The following ADGRL3 variants were observed in gnomAD, a reference collection of about 807,000 sequenced individuals.
ADGRL3 encodes calcium-independent alpha-latrotoxin receptor 3.
A neutral mutation model predicts 153.5 loss-of-function variants in ADGRL3; 62 were observed. The observed-to-expected ratio is 0.40, with a 90% CI of 0.33 to 0.50. The LOEUF (loss-of-function observed/expected upper bound fraction) is 0.50. Ranked by LOEUF, ADGRL3 falls within the 20% of genes least tolerant of loss-of-function variation. The pLI is 0.47. For missense variants in ADGRL3, 1,641 were observed against 1,859.4 expected, an observed-to-expected ratio of 0.88 and a Z score of 2.16; for synonymous variants, 710 against 672.5, an observed-to-expected ratio of 1.06 and a Z score of -0.86.
chr4:61,874,724 C>T (rs1451628469), intron 9 of ADGRL3, among the ~76,000 whole-genome samples: 1 of 151,138 alleles, frequency 6.6e-6, no homozygotes, highest in African/African-American at 2.4e-5. Context: ...CACAGAACCC[C>T]CTCACGTGAT....
intron 17 of ADGRL3, among the ~76,000 whole-genome samples, chr4:61,962,991 TG>T (rs1444196813): frequency 3.3e-5 from 5 of 152,006 alleles, no homozygotes; most frequent in Non-Finnish European, 7.4e-5. Context: ...GAGGATGCTG[TG>T]GAAACACATG....
rs1455665572 is a variant in ADGRL3 at position 61,650,197 on chromosome 4, A to C, written c.474-26629A>C. Among the ~76,000 whole-genome samples, 9 of 152,268 alleles carry C rather than the reference A, an allele frequency of 5.9e-5. No individual in the cohort carries two copies. In the South Asian group the frequency reaches 1.7e-3, roughly 28 times the overall value. ...CCATCCTATAAGGATGTATACTGTA[A>C]ATTTATTAAGCAGGATAATTTTTTT... On this transcript the variant is annotated intron_variant, in intron 5 of 26. Coordinates refer to ENST00000683033, the MANE Select transcript of ADGRL3 (RefSeq NM_001387552.1).
chr4:61,703,082 A>G (rs2095797093), intron 6 of ADGRL3, among the ~76,000 whole-genome samples: 1 of 152,074 alleles, frequency 6.6e-6, no homozygotes, highest in Admixed American at 6.6e-5. Flanking sequence ...TTGTTTCTCC[A>G]TAACCTCCTT....
chr4:62,021,449 TAATA>T (rs1009691159), intron 21 of ADGRL3, among the ~76,000 whole-genome samples: 8 of 152,196 alleles, frequency 5.3e-5, no homozygotes, highest in African/African-American at 1.4e-4. Context: ...ACTTTAATAT[TAATA>T]AATAATCATG....
At chr4:61,331,438 T>G (rs977148273) in intron 1 of ADGRL3, among the ~76,000 whole-genome samples, 2 of 152,224 alleles carry the variant, frequency 1.3e-5, no homozygotes, top group African/African-American at 4.8e-5. Context: ...CAATAAAATT[T>G]ATTTAAAAGT....
intron 9 of ADGRL3, among the ~76,000 whole-genome samples, chr4:61,872,665 AAAAG>A (rs1238485862): frequency 6.6e-6 from 1 of 151,706 alleles, no homozygotes; most frequent in Non-Finnish European, 1.5e-5. Flanking sequence ...TAAAAAAAAA[AAAAG>A]AAAGAAGAAA....
rs2097744488 is a variant in ADGRL3 at position 61,456,397 on chromosome 4, C to CTATATCTATATATATAGATATAGA, written c.-173-40708_-173-40707insGATATAGATATATCTATATATATA. On this transcript the variant is annotated intron_variant, in intron 2 of 26. Coordinates refer to ENST00000683033, the MANE Select transcript of ADGRL3 (RefSeq NM_001387552.1). Reference sequence around the variant, plus strand: ...TATCTATATATATATATAGATATATCTATATCTATATATATATAGATATAT... The same window carrying CTATATCTATATATATAGATATAGA: ...TATCTATATATATATATAGATATATCTATATCTATATATATAGATATAGATATATCTATATATATATAGATATAT... 5.5e-5 allele frequency among the ~76,000 whole-genome samples: 5 copies of CTATATCTATATATATAGATATAGA among 90,120 alleles called. 2 individuals carry two copies. The highest frequency in any genetic ancestry group is 2.1e-4 in the African/African-American group (5 of 23,990). The allele number at this position is 90,120 out of a possible 152,430, so 59.1% of individuals were successfully genotyped here.
intron 9 of ADGRL3, among the ~76,000 whole-genome samples, chr4:61,868,871 T>A (rs940380863): frequency 6.6e-6 from 1 of 152,168 alleles, no homozygotes; most frequent in Non-Finnish European, 1.5e-5. Flanking sequence ...TTAAACTGCT[T>A]TCCAGCGATG....
chr4:62,062,040 CTG>C (rs1339509413), intron 25 of ADGRL3, among the ~76,000 whole-genome samples: 1 of 152,024 alleles, frequency 6.6e-6, no homozygotes, highest in Non-Finnish European at 1.5e-5. Context: ...AACTGCCAAA[CTG>C]TTTTCCAGAG....
intron 2 of ADGRL3, among the ~76,000 whole-genome samples, chr4:61,462,553 G>A (rs1431829007): frequency 6.6e-6 from 1 of 152,080 alleles, no homozygotes; most frequent in Non-Finnish European, 1.5e-5. Flanking sequence ...AGAAAAATAT[G>A]TACTAAAACA....
At chr4:61,396,948 A>ATATTATTATTATTATTATTAT (rs72231913) in intron 2 of ADGRL3, among the ~76,000 whole-genome samples, 4 of 148,560 alleles carry the variant, frequency 2.7e-5, no homozygotes, top group African/African-American at 9.8e-5. Context: ...AGTAAGGAAT[A>ATATTATTATTATTATTATTAT]TATTATTATT....
At chr4:61,700,157 C>T (rs1056467973) in intron 6 of ADGRL3, among the ~76,000 whole-genome samples, 4 of 152,088 alleles carry the variant, frequency 2.6e-5, no homozygotes, top group Non-Finnish European at 5.9e-5. Context: ...TGTATTATTT[C>T]CTAAACACTA....
intron 17 of ADGRL3, among the ~76,000 whole-genome samples, chr4:61,955,914 A>AT (rs1025440292): frequency 2.0e-5 from 3 of 151,912 alleles, no homozygotes; most frequent in Middle Eastern, 3.4e-3. Flanking sequence ...TATGTACCAC[A>AT]TTTTTTTTAT....
chr4:61,338,651 G>A lies in ADGRL3; in HGVS notation c.-239-44473G>A, dbSNP rs571696968. Among the ~76,000 whole-genome samples the A allele has an allele frequency of 9.9e-5, 15 of 152,228 alleles. 1 individual carries two copies. Among genetic ancestry groups the A allele is most frequent in the African/African-American group, 3.4e-4 (14 of 41,546 alleles). ...ATGTGTTGCTATTTCCGAATTGGAT[G>A]TCCAGGAGAACAATTTATCCTTTGT... On this transcript the variant is annotated intron_variant, in intron 1 of 26. Coordinates refer to ENST00000683033, the MANE Select transcript of ADGRL3 (RefSeq NM_001387552.1).
At chr4:61,823,657 T>C (rs1333765199) in intron 9 of ADGRL3, among the ~76,000 whole-genome samples, 1 of 152,190 alleles carries the variant, frequency 6.6e-6, no homozygotes, top group Non-Finnish European at 1.5e-5. Context: ...CAGATAATAC[T>C]AAGCCTTGGA....
chr4:61,659,786 C>T (rs931752411), intron 5 of ADGRL3, among the ~76,000 whole-genome samples: 19 of 149,642 alleles, frequency 1.3e-4, no homozygotes, highest in Non-Finnish European at 2.5e-4. Context: ...TTATATTTTG[C>T]ATTTCCCATT....
chr4:61,398,831 G>T (rs1039700208), intron 2 of ADGRL3, among the ~76,000 whole-genome samples: 1 of 151,598 alleles, frequency 6.6e-6, no homozygotes, highest in African/African-American at 2.4e-5. Flanking sequence ...TGTAAATAAA[G>T]GAATCTTAAT....
At chr4:61,606,983 G>A (rs2099034768) in intron 5 of ADGRL3, among the ~76,000 whole-genome samples, 2 of 152,096 alleles carry the variant, frequency 1.3e-5, no homozygotes, top group African/African-American at 4.8e-5. Context: ...ACAGACAAAA[G>A]CAATTCACTG....
At chr4:61,279,089 TG>T (rs1476463746) in intron 1 of ADGRL3, among the ~76,000 whole-genome samples, 2 of 152,172 alleles carry the variant, frequency 1.3e-5, no homozygotes, top group Non-Finnish European at 2.9e-5. Context: ...CAGCAGATCA[TG>T]ACTGTCTAGA....
Sources: gnomAD v4.1 joint callset for allele counts (sites outside exome capture counted in the v4.1 genomes callset) on GRCh38, gnomAD v4.1.1 for gene constraint, MANE v1.5 for transcripts, NCBI Gene and HGNC (gene_info 2026-07-23, HGNC 2026-07-21) for gene names.